The following NMI variants were observed in gnomAD, a reference collection of about 807,000 sequenced individuals.
The protein encoded by NMI is N-myc and STAT interactor.
Under a neutral mutation model 34.3 loss-of-function variants are expected in NMI, and 39 were observed. That is an observed-to-expected ratio of 1.14 (90% confidence interval 0.88 to 1.49). NMI has a LOEUF of 1.49. Among genes scored for constraint, NMI ranks in the 40% most tolerant of loss-of-function variants. The pLI, the probability that NMI is intolerant of heterozygous loss-of-function variation, is 0.00. For synonymous variants in NMI, 113 were observed against 120.3 expected (o/e 0.94, Z 0.40); for missense variants, 339 against 358.1 (o/e 0.95, Z 0.43).
chr2:151,279,774 C>T (rs546385994), intron 3 of NMI, among the ~76,000 whole-genome samples: 1 of 152,030 alleles, frequency 6.6e-6, no homozygotes, highest in Non-Finnish European at 1.5e-5. Context: ...CCACACCTGG[C>T]CCAGAATTAG....
At chr2:151,275,397 AAAG>A (rs1265195457) in intron 6 of NMI, 84 bp downstream of exon 6, 3 of 1,203,350 alleles carry the variant, frequency 2.5e-6, no homozygotes, top group Non-Finnish European at 3.6e-6. Context: ...ATTCCAAATA[AAAG>A]AAGTAGAATA....
rs191537334 is a variant in NMI at position 151,276,875 on chromosome 2, C to G, written c.341-1011G>C. 4.6e-3 allele frequency among the ~76,000 whole-genome samples: 696 copies of G among 152,232 alleles called. 5 individuals are homozygous for G. Among genetic ancestry groups the G allele is most frequent in the Non-Finnish European group, 7.7e-3 (524 of 68,028 alleles). The stretch of plus-strand genomic sequence containing the variant: ...GTTGATAGTCCTGCTATATTGATCA[C>G]AAAGCTGTCAAGTCTAATTTACCTG... On this transcript the variant is annotated intron_variant, in intron 4 of 7. Transcript: ENST00000243346.
chr2:151,271,774 T>C (rs971006091), intron 6 of NMI, 42 bp from the exon 7 acceptor site: 1 of 952,924 alleles, frequency 1.0e-6, no homozygotes, highest in Non-Finnish European at 1.7e-6. Flanking sequence ...TTTTATATCA[T>C]AAGCATTTTT....
intron 1 of NMI, among the ~76,000 whole-genome samples, chr2:151,286,724 G>A (rs915003471): frequency 1.3e-5 from 2 of 152,168 alleles, no homozygotes; most frequent in African/African-American, 2.4e-5. Flanking sequence ...TGTTCTGCAA[G>A]CCCAACAGGC....
rs978927768 is a variant in NMI, at chr2:151,282,813, C to A, written c.81+55G>T. Reference sequence around the variant, plus strand: ...AAGACATACAAAACATGCCTTACTGCAAAACTAATAGATATAAAATAATTT... The same window carrying A: ...AAGACATACAAAACATGCCTTACTGAAAAACTAATAGATATAAAATAATTT... On this transcript the variant is annotated intron_variant, in intron 2 of 7. Coordinates refer to ENST00000243346, the MANE Select transcript of NMI (RefSeq NM_004688.3). 5 of 962,464 alleles carry A rather than the reference C, an allele frequency of 5.2e-6. No individual in the cohort carries two copies. The African/African-American group carries it at 6.7e-5, about 13-fold the overall frequency. The allele number at this position is 962,464 out of a possible 1,614,324, so 59.6% of individuals were successfully genotyped here. A position where few individuals can be genotyped will look rare whatever the true frequency, so the allele number is the denominator to read the frequency against.
intron 1 of NMI, chr2:151,288,973 G>A: frequency 6.6e-6 from 1 of 152,496 alleles, no homozygotes; most frequent in Non-Finnish European, 1.5e-5. Flanking sequence ...GCCGGGCGCG[G>A]TGGCTCACGC....
At chr2:151,273,813 C>A (rs1003425485) in intron 6 of NMI, among the ~76,000 whole-genome samples, 1 of 152,258 alleles carries the variant, frequency 6.6e-6, no homozygotes, top group Admixed American at 6.5e-5. Context: ...TGAGCCACTG[C>A]GCCTGGCCAG....
rs1419667680 is a variant in NMI, at chr2:151,278,816, CATT to C, written c.340+9_340+11del. 35 of 1,605,530 alleles carry C rather than the reference CATT, an allele frequency of 2.2e-5. No individual in the cohort carries two copies. In the African/African-American group the frequency reaches 3.7e-4, roughly 17 times the overall value. On this transcript the variant is annotated intron_variant, in intron 4 of 7. Coordinates refer to ENST00000243346, the MANE Select transcript of NMI (RefSeq NM_004688.3). Reference sequence around the variant, plus strand: ...CAAATAACATGGTCATATTTTTTAACATTAGTCATACCTTCTTCTTTTTCAAAG... The same window carrying C: ...CAAATAACATGGTCATATTTTTTAACAGTCATACCTTCTTCTTTTTCAAAG...
intron 3 of NMI, among the ~76,000 whole-genome samples, chr2:151,280,881 CGCCCAG>C (rs1683387961): frequency 1.3e-5 from 2 of 151,056 alleles, no homozygotes; most frequent in South Asian, 4.2e-4. Context: ...CTCGCTCTGT[CGCCCAG>C]GCTGGAGCAC....
chr2:151,280,412 C>T (rs561792284), intron 3 of NMI, among the ~76,000 whole-genome samples: 24 of 152,230 alleles, frequency 1.6e-4, no homozygotes, highest in Admixed American at 4.6e-4. Context: ...TTATTCTTTG[C>T]CTTTATGCAT....
At chr2:151,271,339 T>C (rs1463622105) in intron 7 of NMI, among the ~76,000 whole-genome samples, 2 of 152,172 alleles carry the variant, frequency 1.3e-5, no homozygotes, top group Non-Finnish European at 2.9e-5. Context: ...TCACTGACAG[T>C]AGACATATGA....
At position 151,278,845 on chromosome 2, in the gene NMI, G is replaced by T; in HGVS notation, c.323C>A (p.Thr108Asn). 1 of 1,613,104 alleles carries T rather than the reference G, an allele frequency of 6.2e-7. No homozygotes were observed. Among genetic ancestry groups the T allele is most frequent in the Non-Finnish European group, 8.5e-7 (1 of 1,179,458 alleles). ...YEIQKGQALI[T>N]FEKEEVAQNV... is the part of the protein sequence containing the mutation. Reference sequence around the variant, plus strand: ...AGTCATACCTTCTTCTTTTTCAAAGGTGATAAGTGCTTGTCCTTTTTGTAT... The same window carrying T: ...AGTCATACCTTCTTCTTTTTCAAAGTTGATAAGTGCTTGTCCTTTTTGTAT... The change falls in exon 4 of 8, where the codon ACC becomes AAC. Residue 108 changes from threonine to asparagine, a missense_variant. Thr to Asn is a moderately conservative substitution (Grantham distance 65). Transcript: ENST00000243346.
At chr2:151,273,208 G>A (rs551951440) in intron 6 of NMI, among the ~76,000 whole-genome samples, 2 of 151,110 alleles carry the variant, frequency 1.3e-5, no homozygotes, top group Admixed American at 1.3e-4. Flanking sequence ...TGGATATGTT[G>A]CTTGACTTCT....
At chr2:151,284,767 T>A (rs1260174743) in intron 1 of NMI, among the ~76,000 whole-genome samples, 3 of 152,216 alleles carry the variant, frequency 2.0e-5, no homozygotes, top group African/African-American at 7.2e-5. Context: ...TGTTTTTAGA[T>A]ACACATTAAT....
chr2:151,288,385 C>T lies in NMI; in HGVS notation c.-7+1208G>A, dbSNP rs532199010. Among the ~76,000 whole-genome samples the T allele has an allele frequency of 3.9e-5, 6 of 152,044 alleles. 1 individual carries two copies. The highest frequency in any genetic ancestry group is 1.4e-4 in the African/African-American group (6 of 41,446). ...CTTTCAGAGGCGCAATGTTGCTGGC[C>T]CTGAAGATGGAGGAAGGGCTGCTGA... On this transcript the variant is annotated intron_variant, in intron 1 of 7. Transcript: ENST00000243346.
At chr2:151,282,562 C>A (rs1157123665) in intron 2 of NMI, among the ~76,000 whole-genome samples, 1 of 152,166 alleles carries the variant, frequency 6.6e-6, no homozygotes. Context: ...GCTACCTGGG[C>A]CTCCGTTCCC....
chr2:151,285,503 G>A (rs140398191), intron 1 of NMI, among the ~76,000 whole-genome samples: 3,329 of 151,176 alleles, frequency 0.022, 128 homozygotes, highest in African/African-American at 0.078. Context: ...CAGGAGAATC[G>A]CTTGAAGCCG....
intron 6 of NMI, among the ~76,000 whole-genome samples, chr2:151,272,127 T>C (rs185654158): frequency 2.6e-5 from 4 of 151,960 alleles, no homozygotes; most frequent in African/African-American, 7.3e-5. Flanking sequence ...TAGAATACTA[T>C]ATACATTTTT....
At chr2:151,277,278 T>A (rs1316471241) in intron 4 of NMI, 1 of 152,242 alleles carries the variant, frequency 6.6e-6, no homozygotes, top group Non-Finnish European at 1.5e-5. Context: ...TTTTTGCTAA[T>A]GACAACAGAC....
Sources: allele counts gnomAD v4.1 joint callset (sites outside exome capture counted in the v4.1 genomes callset), GRCh38; gene constraint gnomAD v4.1.1; transcripts MANE v1.5; gene names NCBI Gene and HGNC (gene_info 2026-07-23, HGNC 2026-07-21).